The following KIAA0586 variants were observed in gnomAD, a reference collection of about 807,000 sequenced individuals.
KIAA0586 encodes KIAA0586, also known as protein TALPID3.
A neutral mutation model predicts 169.8 loss-of-function variants in KIAA0586; 144 were observed. The observed-to-expected ratio is 0.85, with a 90% CI of 0.74 to 0.97. KIAA0586 has a LOEUF of 0.97. Among genes scored for constraint, KIAA0586 ranks in the 50% least tolerant of loss-of-function variants. The probability of loss-of-function intolerance (pLI) is 0.00; values close to 1 mark genes in which losing one functional copy is unlikely to be tolerated. For missense variants in KIAA0586, 1,854 were observed against 1,823.0 expected, an observed-to-expected ratio of 1.02 and a Z score of -0.31; for synonymous variants, 625 against 612.4, an observed-to-expected ratio of 1.02 and a Z score of -0.30.
intron 21 of KIAA0586, among the ~76,000 whole-genome samples, chr14:58,483,027 A>G (rs2042140589): frequency 6.6e-6 from 1 of 152,204 alleles, no homozygotes; most frequent in Admixed American, 6.5e-5. Context: ...AATAGTTGAA[A>G]GTGTGATAAA....
chr14:58,554,656 C>T (rs547400012), downstream of KIAA0586, among the ~76,000 whole-genome samples: 16 of 152,160 alleles, frequency 1.1e-4, no homozygotes, highest in Admixed American at 2.0e-4. Context: ...ATTTTTGATA[C>T]TTTAGACCTG....
intron 10 of KIAA0586, 92 bp from the exon 11 acceptor site, chr14:58,457,667 T>C: frequency 1.3e-6 from 1 of 743,646 alleles, no homozygotes. Context: ...TATATTGGTA[T>C]AATGTATGGC....
intron 9 of KIAA0586, among the ~76,000 whole-genome samples, chr14:58,454,456 C>T (rs1397062530): frequency 2.0e-5 from 3 of 152,124 alleles, no homozygotes; most frequent in Non-Finnish European, 4.4e-5. Flanking sequence ...AACAAAAATA[C>T]ATATACTGGC....
rs1395405999 is a variant in KIAA0586, at chr14:58,462,549, G to A, written c.2059+1389G>A. The stretch of plus-strand genomic sequence containing the variant: ...ATTACAGGCGTGAGCCACTGTGCCC[G>A]GCCTAGTGTAGCTTTGCTATTAATT... On this transcript the variant is annotated intron_variant, in intron 14 of 30. Transcript: ENST00000652326. 3.9e-5 allele frequency among the ~76,000 whole-genome samples: 6 copies of A among 152,152 alleles called. 1 individual carries two copies. Among genetic ancestry groups the A allele is most frequent in the East Asian group, 3.8e-4 (2 of 5,200 alleles).
At position 58,503,397 on chromosome 14, in the gene KIAA0586, A is replaced by G. The variant is rs80355257; in HGVS notation, c.4168+4437A>G. On this transcript the variant is annotated intron_variant, in intron 27 of 30. Coordinates refer to ENST00000652326, the MANE Select transcript of KIAA0586 (RefSeq NM_001329943.3). ...TTAGAAAAGGTTTTCTGCAAGATCC[A>G]ATGTGAAATTGAATCTTAAGGGAAT... Among the ~76,000 whole-genome samples, 329 of 152,302 alleles carry G rather than the reference A, an allele frequency of 2.2e-3. 3 individuals are homozygous for G. Among genetic ancestry groups the G allele is most frequent in the African/African-American group, 7.4e-3 (309 of 41,564 alleles).
intron 21 of KIAA0586, among the ~76,000 whole-genome samples, chr14:58,485,347 AT>A (rs1709533039): frequency 6.6e-6 from 1 of 152,106 alleles, no homozygotes; most frequent in South Asian, 2.1e-4. Context: ...AAAAAAAGTT[AT>A]TGAAATTGCA....
chr14:58,489,158 C>T (rs374665000), intron 24 of KIAA0586, among the ~76,000 whole-genome samples: 100 of 151,240 alleles, frequency 6.6e-4, no homozygotes, highest in African/African-American at 2.3e-3. Flanking sequence ...TAAATACATA[C>T]GTATGTGGAT....
chr14:58,460,838 A>G (rs1164373344), intron 13 of KIAA0586, 148 bp from the exon 14 acceptor site: 2 of 473,936 alleles, frequency 4.2e-6, no homozygotes, highest in Non-Finnish European at 7.2e-6. Context: ...CCTGTTATCT[A>G]GAATTTAAGG....
chr14:58,505,171 T>C (rs555637480), intron 27 of KIAA0586, among the ~76,000 whole-genome samples: 3 of 152,350 alleles, frequency 2.0e-5, no homozygotes, highest in Admixed American at 1.3e-4. Flanking sequence ...GTACAATATA[T>C]ATGGTATGTG....
chr14:58,477,260 T>A lies in KIAA0586; in HGVS notation c.2944+19T>A, dbSNP rs1473833829. ...GACATTGGTAAGTGAAATAGAATTT[T>A]TTTTTGTTTTTATTAAAAGACAAAA... On this transcript the variant is annotated intron_variant, in intron 20 of 30. Transcript: ENST00000652326. The A allele has an allele frequency of 7.5e-7, 1 of 1,341,048 alleles. No homozygotes were observed. Among genetic ancestry groups the A allele is most frequent in the African/African-American group, 1.5e-5 (1 of 68,486 alleles). The allele number at this position is 1,341,048 out of a possible 1,614,324, so 83.1% of individuals were successfully genotyped here.
chr14:58,497,759 C>T (rs2141294935), intron 26 of KIAA0586, among the ~76,000 whole-genome samples: 1 of 152,114 alleles, frequency 6.6e-6, no homozygotes, highest in Admixed American at 6.5e-5. Flanking sequence ...AAAGTTTACA[C>T]TAACAAACTT....
Position 58,482,640 on chromosome 14 carries a change from A to G in KIAA0586, c.3072A>G (p.Arg1024=), listed in dbSNP as rs1415347799. ...AETIAVMLGD[R]EAKKQGPVAT... is the part of the protein sequence containing the mutation. ...CCATTGCTGTCATGCTGGGTGACAGAGAAGCAAAGAAGCAAGGTCCTGTTG... is the reference window on the plus strand; with the variant it reads ...CCATTGCTGTCATGCTGGGTGACAGGGAAGCAAAGAAGCAAGGTCCTGTTG... Residue 1024 remains arginine, a synonymous_variant, in exon 21 of 31, where the codon AGA becomes AGG. Coordinates refer to ENST00000652326, the MANE Select transcript of KIAA0586 (RefSeq NM_001329943.3). The G allele has an allele frequency of 1.9e-6, 3 of 1,609,494 alleles. No individual in the cohort carries two copies. Among genetic ancestry groups the G allele is most frequent in the Non-Finnish European group, 2.5e-6 (3 of 1,177,706 alleles).
At chr14:58,482,487 T>C (rs777088542) in intron 20 of KIAA0586, 26 bp from the exon 21 acceptor site, 5 of 1,435,366 alleles carry the variant, frequency 3.5e-6, no homozygotes, top group East Asian at 5.0e-5. Flanking sequence ...TGCCCACTTA[T>C]TCTGATTTTT....
chr14:58,470,764 T>A (rs1016912571), intron 17 of KIAA0586, 41 bp downstream of exon 17: 1 of 951,190 alleles, frequency 1.1e-6, no homozygotes, highest in Non-Finnish European at 1.7e-6. Context: ...GAGTAATGTC[T>A]GACTGTAGAT....
At position 58,487,331 on chromosome 14, in the gene KIAA0586, A is replaced by G. The variant is rs552785937; in HGVS notation, c.3304+165A>G. ...TAAAAGTCTATAATTGAGGCCAGGC[A>G]GGCATGGTGGCTCACGCCTGTAATC... On this transcript the variant is annotated intron_variant, in intron 22 of 30. Coordinates refer to ENST00000652326, the MANE Select transcript of KIAA0586 (RefSeq NM_001329943.3). 9.8e-5 allele frequency among the ~76,000 whole-genome samples: 15 copies of G among 152,332 alleles called. No homozygotes were observed. In the South Asian group the frequency reaches 2.9e-3, roughly 29 times the overall value.
chr14:58,468,001 A>C, intron 16 of KIAA0586, 79 bp downstream of exon 16: 1 of 797,070 alleles, frequency 1.3e-6, no homozygotes, highest in Non-Finnish European at 2.0e-6. Flanking sequence ...AATCCATTAT[A>C]TTGCTTCATA....
At chr14:58,480,872 A>AT (rs1451160490) in intron 20 of KIAA0586, among the ~76,000 whole-genome samples, 3 of 151,938 alleles carry the variant, frequency 2.0e-5, no homozygotes, top group Non-Finnish European at 4.4e-5. Flanking sequence ...TTATGAGAAA[A>AT]TTTTTTTCCT....
At chr14:58,534,719 G>GTT (rs1320934776) in intron 29 of KIAA0586, among the ~76,000 whole-genome samples, 2 of 152,128 alleles carry the variant, frequency 1.3e-5, no homozygotes, top group African/African-American at 4.8e-5. Flanking sequence ...ATGACTTAGT[G>GTT]TAACTATTTA....
At chr14:58,482,063 TG>T (rs1013144678) in intron 20 of KIAA0586, among the ~76,000 whole-genome samples, 4 of 150,570 alleles carry the variant, frequency 2.7e-5, no homozygotes, top group Non-Finnish European at 5.9e-5. Context: ...CCACCAGCCT[TG>T]GCCTCCCAAA....
Sources: gnomAD v4.1 joint callset for allele counts (sites outside exome capture counted in the v4.1 genomes callset) on GRCh38, gnomAD v4.1.1 for gene constraint, MANE v1.5 for transcripts, NCBI Gene and HGNC (gene_info 2026-07-23, HGNC 2026-07-21) for gene names.